The following AMPH variants were observed in gnomAD, a reference collection of about 807,000 sequenced individuals.
AMPH encodes the protein amphiphysin (Stiff-Mann syndrome with breast cancer 128kD autoantigen).
Under a neutral mutation model 99.1 loss-of-function variants are expected in AMPH, and 49 were observed. The ratio of observed to expected loss-of-function variants is 0.49; its 90% CI spans 0.39 to 0.63. The LOEUF (loss-of-function observed/expected upper bound fraction) is 0.63, where lower values mean the gene tolerates loss of function less well. Among genes scored for constraint, AMPH ranks in the 20% least tolerant of loss-of-function variants. The probability of loss-of-function intolerance (pLI) is 0.00; values close to 1 mark genes in which losing one functional copy is unlikely to be tolerated. For missense variants in AMPH, 759 were observed against 863.4 expected, an observed-to-expected ratio of 0.88 and a Z score of 1.52; for synonymous variants, 314 against 317.3, an observed-to-expected ratio of 0.99 and a Z score of 0.11.
At chr7:38,475,441 T>A in intron 6 of AMPH, 25 bp from the exon 7 acceptor site, 1 of 1,529,726 alleles carries the variant, frequency 6.5e-7, no homozygotes, top group Non-Finnish European at 9.0e-7. Flanking sequence ...TAACATGTGT[T>A]TACACTAAGA....
intron 4 of AMPH, among the ~76,000 whole-genome samples, chr7:38,493,798 C>G (rs10249106): frequency 0.36 from 55,154 of 152,004 alleles, 11,398 homozygotes; most frequent in African/African-American, 0.56. Context: ...TTGAGATGAA[C>G]GGGTGAAGTT....
At chr7:38,407,068 ATATATATATGTGTGTGTG>A (rs1237767585) in intron 17 of AMPH, among the ~76,000 whole-genome samples, 1 of 27,172 alleles carries the variant, frequency 3.7e-5, no homozygotes, top group African/African-American at 1.1e-4. Flanking sequence ...ATATATATAT[ATATATATATGTGTGTGTG>A]TGTGTGTGTG....
intron 1 of AMPH, among the ~76,000 whole-genome samples, chr7:38,605,861 C>T (rs910042449): frequency 3.3e-5 from 5 of 152,188 alleles, no homozygotes; most frequent in Non-Finnish European, 7.3e-5. Context: ...CAGGCGTGAG[C>T]CACCGCACCT....
chr7:38,597,640 A>T lies in AMPH; in HGVS notation c.69+33643T>A, dbSNP rs115940401. Among the ~76,000 whole-genome samples, 1,362 of 152,246 alleles carry T rather than the reference A, an allele frequency of 8.9e-3. 23 individuals are homozygous for T. Among genetic ancestry groups the T allele is most frequent in the African/African-American group, 0.031 (1,291 of 41,532 alleles). On this transcript the variant is annotated intron_variant, in intron 1 of 20. Transcript: ENST00000356264. ...ATCAACTCTCACAAGCAGAGGCAAAAATTACTCCTACCAAATACCAATGAT... is the reference window on the plus strand; with the variant it reads ...ATCAACTCTCACAAGCAGAGGCAAATATTACTCCTACCAAATACCAATGAT...
At chr7:38,597,040 T>C (rs1037817689) in intron 1 of AMPH, among the ~76,000 whole-genome samples, 1 of 152,198 alleles carries the variant, frequency 6.6e-6, no homozygotes, top group African/African-American at 2.4e-5. Flanking sequence ...ACATTTTGAT[T>C]TTACATCATT....
intron 2 of AMPH, among the ~76,000 whole-genome samples, chr7:38,506,648 C>G (rs962038340): frequency 1.9e-4 from 29 of 152,108 alleles, no homozygotes; most frequent in African/African-American, 6.3e-4. Context: ...AATCTGGGGG[C>G]ATTTAGTGGT....
At chr7:38,570,001 C>CA (rs1410456154) in intron 1 of AMPH, among the ~76,000 whole-genome samples, 8 of 152,126 alleles carry the variant, frequency 5.3e-5, no homozygotes, top group Non-Finnish European at 8.8e-5. Flanking sequence ...TCCATGACAG[C>CA]AAAAATCTTA....
intron 1 of AMPH, among the ~76,000 whole-genome samples, chr7:38,546,419 A>T (rs1414692111): frequency 6.6e-6 from 1 of 152,240 alleles, no homozygotes; most frequent in African/African-American, 2.4e-5. Context: ...TTCTAAAAAA[A>T]AAATTAAACA....
chr7:38,552,656 GGT>G (rs1193012249), intron 1 of AMPH, among the ~76,000 whole-genome samples: 1 of 152,080 alleles, frequency 6.6e-6, no homozygotes, highest in Non-Finnish European at 1.5e-5. Context: ...GTGTATGTCA[GGT>G]TACTGGGATG....
intron 1 of AMPH, 23 bp downstream of exon 1, chr7:38,631,260 A>G: frequency 4.6e-6 from 7 of 1,511,926 alleles, no homozygotes. Flanking sequence ...CCCCGGCCCC[A>G]GCCCCGGCCG....
chr7:38,398,155 C>A (rs1784729151), intron 17 of AMPH, among the ~76,000 whole-genome samples: 2 of 133,006 alleles, frequency 1.5e-5, no homozygotes, highest in African/African-American at 5.8e-5. Flanking sequence ...CCATATGATC[C>A]AGCAATCCCA....
At chr7:38,446,409 T>A (rs972526654) in intron 11 of AMPH, among the ~76,000 whole-genome samples, 9 of 152,204 alleles carry the variant, frequency 5.9e-5, no homozygotes, top group African/African-American at 2.2e-4. Context: ...TGGAAACAAC[T>A]CAAACATCCA....
chr7:38,534,844 T>C (rs1035765880), intron 2 of AMPH, 87 bp downstream of exon 2: 9 of 1,173,576 alleles, frequency 7.7e-6, no homozygotes, highest in Non-Finnish European at 1.1e-5. Context: ...CTAGTCTTTT[T>C]TTAATCTTAA....
intron 17 of AMPH, among the ~76,000 whole-genome samples, chr7:38,410,079 T>C (rs987109870): frequency 2.6e-5 from 4 of 152,172 alleles, no homozygotes; most frequent in Admixed American, 1.3e-4. Flanking sequence ...AGAGATTGCT[T>C]AAGGAAGACA....
intron 1 of AMPH, 96 bp from the exon 2 acceptor site, chr7:38,535,107 T>C: frequency 9.2e-7 from 1 of 1,087,464 alleles, no homozygotes; most frequent in Non-Finnish European, 1.4e-6. Flanking sequence ...TGTTTTGCTC[T>C]GAGGAGTAGA....
intron 15 of AMPH, among the ~76,000 whole-genome samples, chr7:38,426,525 C>G (rs2128990900): frequency 6.6e-6 from 1 of 152,312 alleles, no homozygotes; most frequent in South Asian, 2.1e-4. Context: ...TCCTAAAACC[C>G]TCTCACATTT....
At chr7:38,569,950 G>C (rs1314242612) in intron 1 of AMPH, among the ~76,000 whole-genome samples, 1 of 152,108 alleles carries the variant, frequency 6.6e-6, no homozygotes, top group Admixed American at 6.5e-5. Context: ...ATAAATTACT[G>C]AAACAAATGA....
At chr7:38,445,547 A>G (rs950294172) in intron 11 of AMPH, among the ~76,000 whole-genome samples, 3 of 152,228 alleles carry the variant, frequency 2.0e-5, no homozygotes, top group African/African-American at 7.2e-5. Context: ...GAATGGATAA[A>G]GAGGTCCCAA....
At chr7:38,493,137 T>C (rs1788791761) in intron 4 of AMPH, among the ~76,000 whole-genome samples, 2 of 152,136 alleles carry the variant, frequency 1.3e-5, no homozygotes, top group South Asian at 4.1e-4. Flanking sequence ...TGTCAGAATA[T>C]CCATGGAGCA....
Sources: gnomAD v4.1 joint callset for allele counts (sites outside exome capture counted in the v4.1 genomes callset) on GRCh38, gnomAD v4.1.1 for gene constraint, MANE v1.5 for transcripts, NCBI Gene and HGNC (gene_info 2026-07-23, HGNC 2026-07-21) for gene names.